The following FGA variants were observed in gnomAD, a reference collection of about 807,000 sequenced individuals.
FGA encodes the protein fibrinogen, A alpha polypeptide.
FGA carries 20 observed loss-of-function variants against 20.3 expected under a neutral mutation model. That is an observed-to-expected ratio of 0.99 (90% CI 0.69 to 1.43). The LOEUF is 1.43. Among genes scored for constraint, FGA ranks in the 40% most tolerant of loss-of-function variants. The pLI, the probability that FGA is intolerant of heterozygous loss-of-function variation, is 0.00. For missense variants in FGA, 777 were observed against 784.7 expected, an observed-to-expected ratio of 0.99 and a Z score of 0.12; for synonymous variants, 306 against 281.6, an observed-to-expected ratio of 1.09 and a Z score of -0.87.
In FGA at chr4:154,586,787, G is replaced by A; in HGVS notation, c.642C>T (p.Pro214=). The A allele has an allele frequency of 6.2e-7, 1 of 1,614,106 alleles. No individual in the cohort carries two copies. The highest frequency in any genetic ancestry group is 1.1e-5 in the South Asian group (1 of 91,074). The change falls in exon 5 of 5, where the codon CCC becomes CCT. Residue 214 remains proline (P), a synonymous_variant. Transcript: ENST00000403106. ...GTGGTAAGTGTTGCCTATCTCTAGA[G>A]GGAAGTAAGTCTTTGGCAATGACCT... ...LEQVIAKDLL[P]SRDRQHLPLI... is the part of the protein sequence containing the mutation.
chr4:154,585,563 G>T lies in FGA; in HGVS notation c.1866C>A (p.Gly622=). The part of the protein sequence containing the change: ...DHEGTHSTKR[G]HAKSRPVRGI... ...CTCTGACAGGGCGAGATTTAGCATG[G>T]CCTCTCTTGGTGCTATGTGTTCCTT... Residue 622 remains glycine (G), a synonymous_variant, in exon 5 of 5, where the codon GGC becomes GGA. Coordinates refer to ENST00000403106, the MANE Select transcript of FGA (RefSeq NM_021871.4). The T allele has an allele frequency of 6.2e-7, 1 of 1,614,096 alleles. No individual in the cohort carries two copies. The highest frequency in any genetic ancestry group is 8.5e-7 in the Non-Finnish European group (1 of 1,179,978).
At chr4:154,587,771 G>C (rs1364418155) in intron 3 of FGA, 114 bp from the exon 4 acceptor site, 5 of 659,074 alleles carry the variant, frequency 7.6e-6, no homozygotes, top group Middle Eastern at 4.1e-4. Context: ...AAGAAAGAAA[G>C]AAAGAAAGAA....
At chr4:154,589,317 T>G (rs1440343417) in intron 2 of FGA, 120 bp downstream of exon 2, 1 of 1,197,764 alleles carries the variant, frequency 8.3e-7, no homozygotes, top group Non-Finnish European at 1.2e-6. Flanking sequence ...TTATTTGCTA[T>G]GTAGGTAACT....
intron 1 of FGA, 96 bp from the exon 2 acceptor site, chr4:154,589,658 G>A: frequency 7.4e-7 from 1 of 1,356,478 alleles, no homozygotes; most frequent in Non-Finnish European, 1.0e-6. Context: ...GGAAGAGATG[G>A]CACTCTCACA....
chr4:154,584,296 T>A, downstream of FGA: 1 of 1,614,130 alleles, frequency 6.2e-7, no homozygotes, highest in Non-Finnish European at 8.5e-7. Flanking sequence ...TTGGCAGTTA[T>A]TATACCACCA....
Position 154,586,669 on chromosome 4 carries a change from T to C in FGA, c.760A>G (p.Met254Val), listed in dbSNP as rs1179293913. 6.2e-7 allele frequency: 1 copy of C among 1,614,096 alleles called. No homozygotes were observed. Among genetic ancestry groups the C allele is most frequent in the African/African-American group, 1.3e-5 (1 of 74,936 alleles). Reference protein sequence around the residue: ...VPPEWKALTDMPQMRMELERP... With the variant: ...VPPEWKALTDVPQMRMELERP... The stretch of plus-strand genomic sequence containing the variant: ...TCTAACTCCATTCTCATCTGCGGCA[T>C]GTCTGTTAATGCCTTCCACTCTGGG... Residue 254 changes from methionine (M) to valine (V), a missense_variant, in exon 5 of 5, where the codon ATG becomes GTG. Transcript: ENST00000403106.
rs1306146396 is a variant in FGA at position 154,585,697 on chromosome 4, T to G, written c.1732A>C (p.Ser578Arg). Residue 578 changes from serine (S) to arginine (R), a missense_variant, in exon 5 of 5, where the codon AGT becomes CGT. Transcript: ENST00000403106. ...CTACTAGTAAATTGTTTGCTGTAACTTGAAGATTTACCACGGGAAGGGAAT... is the reference window on the plus strand; with the variant it reads ...CTACTAGTAAATTGTTTGCTGTAACGTGAAGATTTACCACGGGAAGGGAAT... ...AEFPSRGKSSSYSKQFTSSTS... is the reference protein window; with the variant it reads ...AEFPSRGKSSRYSKQFTSSTS... The G allele has an allele frequency of 1.9e-6, 3 of 1,614,198 alleles. No individual in the cohort carries two copies. Among genetic ancestry groups the G allele is most frequent in the Non-Finnish European group, 2.5e-6 (3 of 1,180,028 alleles).
intron 3 of FGA, 106 bp downstream of exon 3, chr4:154,588,687 A>C: frequency 1.2e-6 from 1 of 848,202 alleles, no homozygotes; most frequent in Non-Finnish European, 2.0e-6. Context: ...TTTCTACACT[A>C]AGTACTTTGG....
At chr4:154,589,969 G>T (rs1039703093) in intron 1 of FGA, among the ~76,000 whole-genome samples, 5 of 152,294 alleles carry the variant, frequency 3.3e-5, no homozygotes, top group African/African-American at 9.6e-5. Flanking sequence ...TCCTGTAATT[G>T]CTGCTTCAGT....
intron 3 of FGA, among the ~76,000 whole-genome samples, chr4:154,587,924 C>T (rs1454851174): frequency 6.6e-6 from 1 of 152,152 alleles, no homozygotes; most frequent in Admixed American, 6.6e-5. Context: ...TGCCCTGCAG[C>T]CTTCCATGAA....
In FGA at chr4:154,585,590, A is replaced by G; in HGVS notation, c.1839T>C (p.His613=). 1 of 1,614,188 alleles carries G rather than the reference A, an allele frequency of 6.2e-7. No individual in the cohort carries two copies. Among genetic ancestry groups the G allele is most frequent in the African/African-American group, 1.3e-5 (1 of 75,056 alleles). Residue 613 remains histidine (H), a synonymous_variant, in exon 5 of 5, where the codon CAT becomes CAC. Coordinates refer to ENST00000403106, the MANE Select transcript of FGA (RefSeq NM_021871.4). ...CTCTCTTGGTGCTATGTGTTCCTTCATGATCGGCTTCACTTCCGGCCTCAT... is the reference window on the plus strand; with the variant it reads ...CTCTCTTGGTGCTATGTGTTCCTTCGTGATCGGCTTCACTTCCGGCCTCAT... ...MADEAGSEAD[H]EGTHSTKRGH...
In FGA at chr4:154,585,440, A is replaced by C. The variant is rs1730681527; in HGVS notation, c.*54T>G. 7.7e-7 allele frequency: 1 copy of C among 1,304,534 alleles called. No individual in the cohort carries two copies. Among genetic ancestry groups the C allele is most frequent in the Admixed American group, 1.8e-5 (1 of 57,048 alleles). The allele number at this position is 1,304,534 out of a possible 1,614,324, so 80.8% of individuals were successfully genotyped here. A position where few individuals can be genotyped will look rare whatever the true frequency, so the allele number is the denominator to read the frequency against. ...TTTCAATGACGTGTAACAGAGAGTT[A>C]AGAAGGAAATGCAAGGGGCCATGGG... On this transcript the variant is annotated 3_prime_UTR_variant, in exon 5 of 5. Transcript: ENST00000403106.
rs1224523158 is a variant in FGA, at chr4:154,587,787, G to GAA, written c.365-132_365-131dup. On this transcript the variant is annotated intron_variant, in intron 3 of 4. Coordinates refer to ENST00000403106, the MANE Select transcript of FGA (RefSeq NM_021871.4). ...AGAAAGAAAGAAAGAAAGAAAGAAA[G>GAA]AAAGAAAGAAAGAAAGAGAAAAAAG... The GAA allele has an allele frequency of 1.3e-5, 9 of 713,534 alleles. No individual in the cohort carries two copies. In the African/African-American group the frequency reaches 1.3e-4, roughly 10 times the overall value. The allele number at this position is 713,534 out of a possible 1,614,324, so 44.2% of individuals were successfully genotyped here.
At chr4:154,584,348 C>T, downstream of FGA, 7 of 1,614,178 alleles carry the variant, frequency 4.3e-6, no homozygotes, top group Non-Finnish European at 5.9e-6. Flanking sequence ...TCCCACTGGT[C>T]TGCATCCCTG....
Position 154,586,612 on chromosome 4 carries a change from C to T in FGA, c.817G>A (p.Gly273Ser). Residue 273 changes from glycine to serine, a missense_variant, in exon 5 of 5, where the codon GGC (glycine) becomes AGC (serine). Coordinates refer to ENST00000403106, the MANE Select transcript of FGA (RefSeq NM_021871.4). ...RPGGNEITRGGSTSYGTGSET... is the reference protein window; with the variant it reads ...RPGGNEITRGSSTSYGTGSET... ...GATCCGGTTCCATAAGAGGTGGAGC[C>T]TCCTCGAGTAATCTCATTTCCACCA... 1 of 1,613,970 alleles carries T rather than the reference C, an allele frequency of 6.2e-7. No homozygotes were observed.
chr4:154,585,514 TC>T lies in FGA; in HGVS notation c.1914del (p.Lys639SerfsTer10), dbSNP rs748647611. 1.9e-6 allele frequency: 3 copies of T among 1,607,806 alleles called. No individual in the cohort carries two copies. The African/African-American group carries it at 4.0e-5, about 22-fold the overall frequency. On this transcript the variant is annotated frameshift_variant, in exon 5 of 5. Coordinates refer to ENST00000403106, the MANE Select transcript of FGA (RefSeq NM_021871.4). LOFTEE classifies it high-confidence loss of function. The stretch of plus-strand genomic sequence containing the variant: ...TTAGTCTAGGGGGACAGGGAAGGCT[TC>T]CCCAAAGGAGAAGTGTGGATACCTC... ...PVRGIHTSPL[G>X]KPSLSP
intron 1 of FGA, among the ~76,000 whole-genome samples, chr4:154,590,316 G>T (rs375698525): frequency 1.3e-5 from 2 of 152,230 alleles, no homozygotes; most frequent in African/African-American, 4.8e-5. Context: ...ATGCACCAAG[G>T]CTTTATAGGT....
chr4:154,587,514 C>G lies in FGA; in HGVS notation c.508G>C (p.Glu170Gln), dbSNP rs1206968716. ...TGGGACCACAGCCACATACTTACCTCCAGTCGTTTCATATCAACCAACTGA... is the reference window on the plus strand; with the variant it reads ...TGGGACCACAGCCACATACTTACCTGCAGTCGTTTCATATCAACCAACTGA... ...RAQLVDMKRLEVDIDIKIRSC... is the reference protein window; with the variant it reads ...RAQLVDMKRLQVDIDIKIRSC... The change falls in exon 4 of 5, where the codon GAG becomes CAG. Residue 170 changes from glutamate to glutamine, a missense_variant and splice_region_variant. Glu to Gln is a conservative substitution (Grantham distance 29). Transcript: ENST00000403106. 1 of 1,613,754 alleles carries G rather than the reference C, an allele frequency of 6.2e-7. No individual in the cohort carries two copies. The highest frequency in any genetic ancestry group is 8.5e-7 in the Non-Finnish European group (1 of 1,179,876).
intron 1 of FGA, among the ~76,000 whole-genome samples, chr4:154,590,031 A>G (rs1245283161): frequency 6.6e-6 from 1 of 152,236 alleles, no homozygotes; most frequent in Non-Finnish European, 1.5e-5. Context: ...TCAAGTTTCT[A>G]TGTAACCTTT....
Sources: allele counts gnomAD v4.1 joint callset (sites outside exome capture counted in the v4.1 genomes callset), GRCh38; gene constraint gnomAD v4.1.1; transcripts MANE v1.5; gene names NCBI Gene and HGNC (gene_info 2026-07-23, HGNC 2026-07-21).